Variants in SART3 observed in about 807,000 individuals in gnomAD.
SART3 encodes the protein HIV-1 Tat-interacting protein of 110kDa.
Under a neutral mutation model 122.3 loss-of-function variants are expected in SART3, and 44 were observed. That is an observed-to-expected ratio of 0.36 (90% CI 0.28 to 0.46). SART3 has a LOEUF of 0.46. Among genes scored for constraint, SART3 ranks in the 20% least tolerant of loss-of-function variants. SART3 has a pLI of 1.00. For synonymous variants in SART3, 442 were observed against 454.0 expected (o/e 0.97, Z 0.34); for missense variants, 1,101 against 1,229.0 (o/e 0.90, Z 1.56).
At chr12:108,531,127 C>T (rs2287549) in intron 14 of SART3, 77 bp downstream of exon 14, 396,827 of 1,089,502 alleles carry the variant, frequency 0.36, 77,747 homozygotes, top group Non-Finnish European at 0.42. Context: ...TGTAAAACAT[C>T]TTGACAAGAA....
At chr12:108,533,375 C>G (rs1039324008) in intron 12 of SART3, among the ~76,000 whole-genome samples, 1 of 111,820 alleles carries the variant, frequency 8.9e-6, no homozygotes, top group African/African-American at 3.4e-5. Context: ...TACTGAAGTA[C>G]AATGGTTATT....
intron 15 of SART3, among the ~76,000 whole-genome samples, chr12:108,529,323 T>G (rs1296119834): frequency 1.3e-5 from 2 of 152,106 alleles, no homozygotes; most frequent in Admixed American, 1.3e-4. Context: ...ACACACTCCC[T>G]ACCCTCGACC....
rs142686490 is a variant in SART3 at position 108,526,452 on chromosome 12, C to G, written c.2017G>C (p.Val673Leu). The change falls in exon 16 of 19, where the codon GTA (valine) becomes CTA (leucine). Residue 673 changes from valine (V) to leucine (L), a missense_variant. This residue lies in a region of SART3 where 885 missense variants were observed against 1,080.1 expected (regional missense o/e 0.82). Coordinates refer to ENST00000546815, the MANE Select transcript of SART3 (RefSeq NM_014706.4). ...TGCTTCGAAGGGGGCTCCACATCTA[C>G]GGCAGCACATTTCCCAGCGGGCCCT... The part of the protein sequence containing the change: ...AAGPAGKCAA[V>L]DVEPPSKQKE... 1 of 1,614,194 alleles carries G rather than the reference C, an allele frequency of 6.2e-7. No homozygotes were observed. The highest frequency in any genetic ancestry group is 1.1e-5 in the South Asian group (1 of 91,090).
intron 1 of SART3, among the ~76,000 whole-genome samples, chr12:108,557,894 T>C (rs1312055800): frequency 6.6e-6 from 1 of 152,200 alleles, no homozygotes; most frequent in East Asian, 1.9e-4. Flanking sequence ...CCACGTGCAG[T>C]AGCTTGCGCC....
chr12:108,559,054 A>AAAAAAAAG (rs1309589144), intron 1 of SART3, among the ~76,000 whole-genome samples: 1 of 150,804 alleles, frequency 6.6e-6, no homozygotes. Flanking sequence ...AAAAAAAAAA[A>AAAAAAAAG]AAAAAAAGTA....
intron 1 of SART3, among the ~76,000 whole-genome samples, chr12:108,558,009 A>T (rs983894053): frequency 3.9e-5 from 6 of 152,084 alleles, no homozygotes; most frequent in African/African-American, 7.2e-5. Context: ...ACAAAAAAAA[A>T]ATATTTTTAA....
At chr12:108,559,990 C>T (rs896339770) in intron 1 of SART3, among the ~76,000 whole-genome samples, 2 of 152,200 alleles carry the variant, frequency 1.3e-5, no homozygotes, top group African/African-American at 4.8e-5. Context: ...TCACCCCTTC[C>T]GGCCCAAAGA....
chr12:108,532,292 C>A lies in SART3; in HGVS notation c.1599G>T (p.Arg533=), dbSNP rs1872712202. Residue 533 remains arginine, a synonymous_variant, in exon 13 of 19, where the codon CGG becomes CGT. Transcript: ENST00000546815. ...GGTAGTCACTGGTGCACTGGACGGC[C>A]CGGTGCAGAGCCTTCCGGCAGTGCT... ...DTQHCRKALH[R]AVQCTSDYPE... 6.2e-7 allele frequency: 1 copy of A among 1,614,102 alleles called. No individual in the cohort carries two copies. The highest frequency in any genetic ancestry group is 1.3e-5 in the African/African-American group (1 of 75,040).
At chr12:108,547,129 T>C (rs1873462814) in intron 3 of SART3, among the ~76,000 whole-genome samples, 1 of 152,216 alleles carries the variant, frequency 6.6e-6, no homozygotes, top group Non-Finnish European at 1.5e-5. Context: ...CTTAAAACGC[T>C]TTTTAAAAGC....
At chr12:108,543,673 A>C (rs999286957) in intron 5 of SART3, among the ~76,000 whole-genome samples, 4 of 152,214 alleles carry the variant, frequency 2.6e-5, no homozygotes, top group African/African-American at 7.2e-5. Context: ...CATGATACCC[A>C]ACCATTTGAT....
chr12:108,522,931 T>G lies in SART3; in HGVS notation c.*526A>C. ...ACATGTCATTTACAAACACATAATATAAAAATGCACAGCCCCATTGAACAA... is the reference window on the plus strand; with the variant it reads ...ACATGTCATTTACAAACACATAATAGAAAAATGCACAGCCCCATTGAACAA... On this transcript the variant is annotated 3_prime_UTR_variant, in exon 19 of 19. Coordinates refer to ENST00000546815, the MANE Select transcript of SART3 (RefSeq NM_014706.4). 6.2e-6 allele frequency: 1 copy of G among 160,832 alleles called. No individual in the cohort carries two copies. Among genetic ancestry groups the G allele is most frequent in the Non-Finnish European group, 1.4e-5 (1 of 72,732 alleles). The allele number at this position is 160,832 out of a possible 1,614,324, so 10.0% of individuals were successfully genotyped here.
Position 108,523,284 on chromosome 12 carries a change from C to T in SART3, c.*173G>A. On this transcript the variant is annotated 3_prime_UTR_variant, in exon 19 of 19. Coordinates refer to ENST00000546815, the MANE Select transcript of SART3 (RefSeq NM_014706.4). ...CCACTGCCCTCAATATGAGGGAGCA[C>T]TGAAAGGCTCTTGACTTAGAACCCC... 4.2e-6 allele frequency: 3 copies of T among 713,100 alleles called. No individual in the cohort carries two copies. The highest frequency in any genetic ancestry group is 2.1e-5 in the Admixed American group (1 of 47,086). The allele number at this position is 713,100 out of a possible 1,614,324, so 44.2% of individuals were successfully genotyped here.
At chr12:108,525,936 A>G in intron 16 of SART3, 163 bp downstream of exon 16, 1 of 661,336 alleles carries the variant, frequency 1.5e-6, no homozygotes, top group East Asian at 2.7e-5. Context: ...CATGAGTCAG[A>G]CCTCAGTCAA....
At chr12:108,545,376 A>T in intron 3 of SART3, 53 bp from the exon 4 acceptor site, 1 of 1,573,898 alleles carries the variant, frequency 6.4e-7, no homozygotes, top group Non-Finnish European at 8.7e-7. Context: ...CCAAATATCA[A>T]AACTGATGCA....
chr12:108,535,684 T>G, intron 11 of SART3: 1 of 572,020 alleles, frequency 1.7e-6, no homozygotes. Flanking sequence ...CTATGTTTCC[T>G]GAGAACCGAG....
At chr12:108,556,433 T>G (rs576669077) in intron 1 of SART3, among the ~76,000 whole-genome samples, 1 of 152,182 alleles carries the variant, frequency 6.6e-6, no homozygotes, top group African/African-American at 2.4e-5. Flanking sequence ...TGCTTTGTAT[T>G]TATCAAATTA....
rs752894498 is a variant in SART3 at position 108,545,136 on chromosome 12, C to T, written c.729+3G>A. 4 of 1,614,036 alleles carry T rather than the reference C, an allele frequency of 2.5e-6. No individual in the cohort carries two copies. In the South Asian group the frequency reaches 4.4e-5, roughly 18 times the overall value. On this transcript the variant is annotated splice_donor_region_variant and intron_variant, in intron 4 of 18. Transcript: ENST00000546815. Reference sequence around the variant, plus strand: ...CCGTTCAGAGACAACCACAGGTACTCACCCGAGCAGCTTCCACAATCGCAC... The same window carrying T: ...CCGTTCAGAGACAACCACAGGTACTTACCCGAGCAGCTTCCACAATCGCAC...
chr12:108,535,461 A>G lies in SART3; in HGVS notation c.1454T>C (p.Leu485Pro). 1 of 1,614,078 alleles carries G rather than the reference A, an allele frequency of 6.2e-7. No homozygotes were observed. The highest frequency in any genetic ancestry group is 8.5e-7 in the Non-Finnish European group (1 of 1,179,908). The change falls in exon 12 of 19, where the codon CTG becomes CCG. Residue 485 changes from leucine (L) to proline (P), a missense_variant. By Grantham distance (98) the Leu-to-Pro change is moderately conservative. This residue lies in a region of SART3 where 885 missense variants were observed against 1,080.1 expected (regional missense o/e 0.82). Transcript: ENST00000546815. ...CCGAGCTTTCTGCATGTTATTGCAC[A>G]GTCGAGCCTAAAGTGCATCAGCAGG... is the stretch of plus-strand genomic sequence containing the variant. Reference protein sequence around the residue: ...MQNWARIEARLCNNMQKAREL... With the variant: ...MQNWARIEARPCNNMQKAREL...
intron 1 of SART3, 180 bp downstream of exon 1, chr12:108,560,663 C>T: frequency 1.8e-6 from 1 of 562,626 alleles, no homozygotes; most frequent in East Asian, 3.0e-5. Flanking sequence ...AATGAGATAA[C>T]GTTTGCAAGG....
Sources: gnomAD v4.1 joint callset for allele counts (sites outside exome capture counted in the v4.1 genomes callset) on GRCh38, gnomAD v4.1.1 for gene constraint, gnomAD v4.1.1 regional missense constraint, MANE v1.5 for transcripts, NCBI Gene and HGNC (gene_info 2026-07-23, HGNC 2026-07-21) for gene names.